Variants in INPP4B observed in about 807,000 individuals in gnomAD.
The protein encoded by INPP4B is inositol polyphosphate-4-phosphatase type II B.
Under a neutral mutation model 122.5 loss-of-function variants are expected in INPP4B, and 55 were observed. That is an observed-to-expected ratio of 0.45 (90% CI 0.36 to 0.56). The LOEUF is 0.56. Among genes scored for constraint, INPP4B ranks in the 20% least tolerant of loss-of-function variants. INPP4B has a pLI of 0.00. For missense variants in INPP4B, 1,000 were observed against 1,097.7 expected (o/e 0.91, Z 1.26); for synonymous variants, 403 against 388.7 (o/e 1.04, Z -0.43).
intron 15 of INPP4B, among the ~76,000 whole-genome samples, chr4:142,179,128 T>C (rs1212375650): frequency 6.6e-6 from 1 of 152,146 alleles, no homozygotes; most frequent in African/African-American, 2.4e-5. Context: ...TTAAATGAGT[T>C]ATATGATCTG....
intron 1 of INPP4B, among the ~76,000 whole-genome samples, chr4:142,735,626 C>T (rs1302621081): frequency 2.0e-5 from 3 of 152,148 alleles, no homozygotes; most frequent in East Asian, 1.9e-4. Context: ...CCACAAACCC[C>T]GATCCTTTGA....
intron 2 of INPP4B, among the ~76,000 whole-genome samples, chr4:142,699,792 C>A (rs1431523989): frequency 6.6e-6 from 1 of 152,152 alleles, no homozygotes; most frequent in African/African-American, 2.4e-5. Flanking sequence ...CTTTTAACAA[C>A]CTCATCTGCA....
intron 18 of INPP4B, among the ~76,000 whole-genome samples, chr4:142,132,089 G>A (rs1039621528): frequency 3.3e-5 from 5 of 151,930 alleles, no homozygotes; most frequent in African/African-American, 7.3e-5. Flanking sequence ...GTAATTTTTC[G>A]ATGTAATTAT....
chr4:142,317,258 T>A (rs1768069287), intron 7 of INPP4B: 1 of 346,542 alleles, frequency 2.9e-6, no homozygotes, highest in African/African-American at 2.2e-5. Flanking sequence ...ATGTGGACCA[T>A]CAACAAACTA....
chr4:142,797,772 G>A (rs72728658), intron 1 of INPP4B, among the ~76,000 whole-genome samples: 41,982 of 151,568 alleles, frequency 0.28, 6,012 homozygotes, highest in South Asian at 0.41. Flanking sequence ...ATTGGAAAAA[G>A]ATTAAACCTA....
intron 1 of INPP4B, among the ~76,000 whole-genome samples, chr4:142,829,966 T>G (rs1186214814): frequency 6.6e-6 from 1 of 152,150 alleles, no homozygotes; most frequent in African/African-American, 2.4e-5. Flanking sequence ...TTTTAATAAC[T>G]ACAATAAAAA....
At chr4:142,520,642 T>C (rs1387001828) in intron 2 of INPP4B, among the ~76,000 whole-genome samples, 1 of 151,986 alleles carries the variant, frequency 6.6e-6, no homozygotes, top group Non-Finnish European at 1.5e-5. Flanking sequence ...TTAAATACAA[T>C]GGTAAATTGG....
intron 17 of INPP4B, among the ~76,000 whole-genome samples, chr4:142,147,844 T>C (rs529317501): frequency 2.0e-5 from 3 of 152,182 alleles, no homozygotes; most frequent in Non-Finnish European, 4.4e-5. Context: ...CACATCATCA[T>C]CTGCCTGTTG....
intron 2 of INPP4B, among the ~76,000 whole-genome samples, chr4:142,546,304 A>G (rs1267236045): frequency 1.3e-5 from 2 of 152,170 alleles, no homozygotes; most frequent in Non-Finnish European, 1.5e-5. Flanking sequence ...TCCATTGTGT[A>G]TATGTACCAC....
At chr4:142,730,719 A>T (rs1765959675) in intron 1 of INPP4B, among the ~76,000 whole-genome samples, 1 of 152,202 alleles carries the variant, frequency 6.6e-6, no homozygotes, top group Non-Finnish European at 1.5e-5. Flanking sequence ...CTCCACAGAT[A>T]TATTTTAAGT....
intron 1 of INPP4B, among the ~76,000 whole-genome samples, chr4:142,734,619 A>G (rs536158417): frequency 6.6e-6 from 1 of 152,256 alleles, no homozygotes; most frequent in East Asian, 1.9e-4. Flanking sequence ...ATGGCCCTTA[A>G]AAAATGGGCA....
At chr4:142,540,621 G>C in intron 2 of INPP4B, among the ~76,000 whole-genome samples, 1 of 152,154 alleles carries the variant, frequency 6.6e-6, no homozygotes, top group South Asian at 2.1e-4. Context: ...TGTGTCTACA[G>C]AAGGTTTTAC....
At chr4:142,157,182 C>T (rs759832964) in intron 17 of INPP4B, among the ~76,000 whole-genome samples, 1 of 152,200 alleles carries the variant, frequency 6.6e-6, no homozygotes, top group East Asian at 1.9e-4. Context: ...TCTCTAAAGG[C>T]ATCTTCAATT....
chr4:142,667,088 T>C (rs1580667163), intron 2 of INPP4B, among the ~76,000 whole-genome samples: 1 of 152,200 alleles, frequency 6.6e-6, no homozygotes, highest in Non-Finnish European at 1.5e-5. Context: ...GCAATGCTGA[T>C]CATACTAACA....
intron 1 of INPP4B, among the ~76,000 whole-genome samples, chr4:142,789,386 T>G (rs1449025391): frequency 6.6e-6 from 1 of 152,106 alleles, no homozygotes; most frequent in Non-Finnish European, 1.5e-5. Flanking sequence ...GCAGCAAAGT[T>G]TCAGTGTACA....
At chr4:142,643,236 C>G (rs958875238) in intron 2 of INPP4B, among the ~76,000 whole-genome samples, 1 of 151,886 alleles carries the variant, frequency 6.6e-6, no homozygotes, top group Middle Eastern at 3.2e-3. Context: ...ATTTTAAAAA[C>G]TACTTCTCAC....
chr4:142,255,992 A>G (rs550021320), intron 11 of INPP4B, among the ~76,000 whole-genome samples: 1 of 150,140 alleles, frequency 6.7e-6, no homozygotes, highest in African/African-American at 2.4e-5. Context: ...AACAGAAATT[A>G]TAACAAACTG....
intron 2 of INPP4B, among the ~76,000 whole-genome samples, chr4:142,484,755 C>T (rs1188190689): frequency 6.6e-6 from 1 of 151,954 alleles, no homozygotes; most frequent in East Asian, 1.9e-4. Flanking sequence ...GAATCTCTCC[C>T]TCCTCCTACT....
At chr4:142,043,348 G>A (rs1749336073) in intron 25 of INPP4B, among the ~76,000 whole-genome samples, 1 of 152,140 alleles carries the variant, frequency 6.6e-6, no homozygotes, top group South Asian at 2.1e-4. Context: ...TATGAAAAAG[G>A]CAAAATATAA....
Sources: allele counts gnomAD v4.1 joint callset (sites outside exome capture counted in the v4.1 genomes callset), GRCh38; gene constraint gnomAD v4.1.1; transcripts MANE v1.5; gene names NCBI Gene and HGNC (gene_info 2026-07-23, HGNC 2026-07-21).